Variants in KLHL29 observed in about 807,000 individuals in gnomAD.
The protein encoded by KLHL29 is kelch like family member 29, also known as kelch-like protein 29.
KLHL29 carries 21 observed loss-of-function variants against 80.4 expected under a neutral mutation model. The observed-to-expected ratio is 0.26, with a 90% CI of 0.19 to 0.38. The LOEUF (loss-of-function observed/expected upper bound fraction) is 0.38, where lower values mean the gene tolerates loss of function less well. Among genes scored for constraint, KLHL29 ranks in the 10% least tolerant of loss-of-function variants. The pLI, the probability that KLHL29 is intolerant of heterozygous loss-of-function variation, is 1.00. For synonymous variants in KLHL29, 511 were observed against 526.8 expected (o/e 0.97, Z 0.41); for missense variants, 867 against 1,223.9 (o/e 0.71, Z 4.35).
intron 2 of KLHL29, chr2:23,507,147 TTGG>T (rs1665622230): frequency 6.9e-6 from 3 of 432,378 alleles, no homozygotes; most frequent in African/African-American, 2.0e-5. Context: ...TGCCCAGCTG[TTGG>T]TGGCGCTCAC....
intron 1 of KLHL29, among the ~76,000 whole-genome samples, chr2:23,468,340 T>C (rs1215555331): frequency 1.3e-5 from 2 of 152,042 alleles, no homozygotes; most frequent in African/African-American, 4.8e-5. Flanking sequence ...AAAATGAAGC[T>C]CAGGTGGTGC....
At chr2:23,618,941 G>A (rs1031457422) in intron 3 of KLHL29, among the ~76,000 whole-genome samples, 1 of 152,232 alleles carries the variant, frequency 6.6e-6, no homozygotes, top group Non-Finnish European at 1.5e-5. Flanking sequence ...ATCAGAGGCC[G>A]TGAACTGTGT....
rs970977648 is a variant in KLHL29 at position 23,693,414 on chromosome 2, C to G, written c.1428C>G (p.Ser476=). Residue 476 remains serine (S), a synonymous_variant, in exon 8 of 14, where the codon TCC becomes TCG. Transcript: ENST00000486442. ...VAAQEEILSI[S]KDDFIAYVSN... ...CCCAGGAGGAGATCCTCAGCATCTC[C>G]AAGGACGACTTCATCGCCTACGTCT... 1.3e-6 allele frequency: 2 copies of G among 1,551,754 alleles called. No individual in the cohort carries two copies. Among genetic ancestry groups the G allele is most frequent in the Admixed American group, 2.0e-5 (1 of 51,014 alleles).
At chr2:23,580,869 TC>T (rs777581105) in intron 3 of KLHL29, among the ~76,000 whole-genome samples, 2 of 145,116 alleles carry the variant, frequency 1.4e-5, no homozygotes, top group Non-Finnish European at 3.0e-5. Context: ...TCCTAGCTAC[TC>T]AGGAGGCTGA....
At position 23,596,086 on chromosome 2, in the gene KLHL29, G is replaced by C. The variant is rs1174111172; in HGVS notation, c.285+33605G>C. 6.6e-6 allele frequency among the ~76,000 whole-genome samples: 1 copy of C among 152,148 alleles called. No individual in the cohort carries two copies. Among genetic ancestry groups the C allele is most frequent in the Non-Finnish European group, 1.5e-5 (1 of 68,026 alleles). On this transcript the variant is annotated intron_variant, in intron 3 of 13. Transcript: ENST00000486442. The surrounding 1 kb of genome is among the most constrained non-coding windows in gnomAD (Gnocchi z 4.4). ...AGCCTCTGGAATGCACGGCCTGCTT[G>C]GGGTTGCCATGGAGAAGCTGGGTCT...
Position 23,438,989 on chromosome 2 carries a change from C to T in KLHL29, c.-153-36571C>T, listed in dbSNP as rs868743579. ...ATTGATTATTGCCACAATTTCAGAT[C>T]CTGTTATTGGTCTATTCAGAGATTC... On this transcript the variant is annotated intron_variant, in intron 1 of 13. Coordinates refer to ENST00000486442, the MANE Select transcript of KLHL29 (RefSeq NM_052920.2). Among the ~76,000 whole-genome samples the T allele has an allele frequency of 3.7e-4, 55 of 146,904 alleles. 1 individual carries two copies. In the South Asian group the frequency reaches 5.0e-3, roughly 13 times the overall value.
chr2:23,490,454 G>A (rs916551968), intron 2 of KLHL29, among the ~76,000 whole-genome samples: 1 of 152,166 alleles, frequency 6.6e-6, no homozygotes, highest in Non-Finnish European at 1.5e-5. Flanking sequence ...TACTCTGCAG[G>A]ATAAATGGAG....
rs977505562 is a variant in KLHL29 at position 23,396,846 on chromosome 2, C to T, written c.-154+11066C>T. Among the ~76,000 whole-genome samples the T allele has an allele frequency of 3.3e-5, 5 of 152,198 alleles. No homozygotes were observed. The East Asian group carries it at 9.6e-4, about 29-fold the overall frequency. ...GATGGCTTCATATGATGTGGGGAAA[C>T]TGCCTTTTTCTACGATGATTCTCAG... On this transcript the variant is annotated intron_variant, in intron 1 of 13. Coordinates refer to ENST00000486442, the MANE Select transcript of KLHL29 (RefSeq NM_052920.2).
intron 1 of KLHL29, among the ~76,000 whole-genome samples, chr2:23,431,719 C>T (rs143689788): frequency 6.6e-6 from 1 of 152,008 alleles, no homozygotes; most frequent in African/African-American, 2.4e-5. Flanking sequence ...CGGTGAAACC[C>T]CGTCTCTACT....
chr2:23,467,973 C>T (rs1664397470), intron 1 of KLHL29, among the ~76,000 whole-genome samples: 1 of 151,790 alleles, frequency 6.6e-6, no homozygotes. Context: ...AGTGTGACTC[C>T]CAGCCATCCC....
chr2:23,437,967 G>A (rs1409560978), intron 1 of KLHL29, among the ~76,000 whole-genome samples: 1 of 151,846 alleles, frequency 6.6e-6, no homozygotes, highest in Non-Finnish European at 1.5e-5. Flanking sequence ...CCATTTGTTT[G>A]TATCCTCTTT....
chr2:23,690,899 C>T (rs72796116), intron 6 of KLHL29: 14,992 of 152,404 alleles, frequency 0.098, 846 homozygotes, highest in Middle Eastern at 0.16. Context: ...TTCCCCAGCC[C>T]GACGCACACT....
At chr2:23,558,925 C>T (rs1350105970) in intron 2 of KLHL29, among the ~76,000 whole-genome samples, 1 of 152,234 alleles carries the variant, frequency 6.6e-6, no homozygotes, top group African/African-American at 2.4e-5. Context: ...GCCGGGGTCA[C>T]ACAGAGAATG....
chr2:23,656,217 G>C (rs1015924373), intron 5 of KLHL29, among the ~76,000 whole-genome samples: 2 of 152,192 alleles, frequency 1.3e-5, no homozygotes, highest in African/African-American at 4.8e-5. Context: ...GTGCCTACCC[G>C]CCAAGGGGAC....
intron 2 of KLHL29, among the ~76,000 whole-genome samples, chr2:23,501,015 C>A (rs1665421115): frequency 6.6e-6 from 1 of 152,116 alleles, no homozygotes; most frequent in Non-Finnish European, 1.5e-5. Flanking sequence ...AAAGTGGTGG[C>A]CCAGTCTGGA....
chr2:23,669,424 GCTCCCACGCAGC>G lies in KLHL29; in HGVS notation c.941-14970_941-14959del, dbSNP rs1449099523. 6.6e-6 allele frequency: 1 copy of G among 152,344 alleles called. No individual in the cohort carries two copies. The highest frequency in any genetic ancestry group is 1.5e-5 in the Non-Finnish European group (1 of 68,118). The allele number at this position is 152,344 out of a possible 1,614,324, so 9.4% of individuals were successfully genotyped here. A position where few individuals can be genotyped will look rare whatever the true frequency, so the allele number is the denominator to read the frequency against. ...CCTAGGTGCCACCCTCCTCTTCCAG[GCTCCCACGCAGC>G]CTCCGTTTCCCTTCCACACAGTCCT... On this transcript the variant is annotated intron_variant, in intron 5 of 13. Transcript: ENST00000486442. This position sits in a 1 kb window ranked among gnomAD's most constrained non-coding sequence, Gnocchi z 4.3.
At chr2:23,670,929 T>A (rs1207147825) in intron 5 of KLHL29, among the ~76,000 whole-genome samples, 78 of 6,322 alleles carry the variant, frequency 0.012, no homozygotes, top group Admixed American at 0.026. Flanking sequence ...TCTCTCTCTC[T>A]CTCTCTCTCT....
At chr2:23,459,655 C>T (rs1047853338) in intron 1 of KLHL29, among the ~76,000 whole-genome samples, 7 of 152,344 alleles carry the variant, frequency 4.6e-5, no homozygotes, top group East Asian at 3.9e-4. Flanking sequence ...AGACTGGCCA[C>T]GGATGCCCAG....
chr2:23,506,307 C>G (rs1665596103), intron 2 of KLHL29, among the ~76,000 whole-genome samples: 1 of 152,182 alleles, frequency 6.6e-6, no homozygotes, highest in South Asian at 2.1e-4. Context: ...GGCTTATGGC[C>G]TGACCCTTCA....
Sources: gnomAD v4.1 joint callset for allele counts (sites outside exome capture counted in the v4.1 genomes callset) on GRCh38, gnomAD v4.1.1 for gene constraint, Gnocchi (gnomAD v3.1) non-coding constraint, MANE v1.5 for transcripts, NCBI Gene and HGNC (gene_info 2026-07-23, HGNC 2026-07-21) for gene names.